The following MYO1D variants were observed in gnomAD, a reference collection of about 807,000 sequenced individuals.
MYO1D encodes unconventional myosin-Id.
In MYO1D, 83 loss-of-function variants were observed where a neutral mutation model predicts 122.0. That is an observed-to-expected ratio of 0.68 (90% CI 0.57 to 0.82). The LOEUF (loss-of-function observed/expected upper bound fraction) is 0.82, where lower values mean the gene tolerates loss of function less well. Ranked by LOEUF, MYO1D falls within the 40% of genes least tolerant of loss-of-function variation. The pLI, the probability that MYO1D is intolerant of heterozygous loss-of-function variation, is 0.00. For synonymous variants in MYO1D, 464 were observed against 446.9 expected (o/e 1.04, Z -0.48); for missense variants, 1,157 against 1,269.5 (o/e 0.91, Z 1.35).
intron 1 of MYO1D, among the ~76,000 whole-genome samples, chr17:32,811,706 G>C (rs961268485): frequency 7.0e-6 from 1 of 142,304 alleles, no homozygotes; most frequent in Admixed American, 7.4e-5. Flanking sequence ...TCCAGAAATG[G>C]AATGCTATCC....
intron 19 of MYO1D, among the ~76,000 whole-genome samples, chr17:32,652,662 C>T (rs1180797655): frequency 2.0e-5 from 3 of 151,916 alleles, no homozygotes; most frequent in Non-Finnish European, 4.4e-5. Flanking sequence ...CTTTGCCTTC[C>T]ACTTCCCAAC....
intron 1 of MYO1D, among the ~76,000 whole-genome samples, chr17:32,864,548 GAAAAA>G (rs200717040): frequency 1.4e-5 from 1 of 73,028 alleles, no homozygotes; most frequent in South Asian, 5.5e-4. Flanking sequence ...TTCTACGAAT[GAAAAA>G]AAAAAAAAAA....
At chr17:32,617,391 C>G (rs2087785274) in intron 20 of MYO1D, among the ~76,000 whole-genome samples, 1 of 152,124 alleles carries the variant, frequency 6.6e-6, no homozygotes, top group African/African-American at 2.4e-5. Flanking sequence ...TAAGTCTTCC[C>G]AGCTAAGGCC....
At chr17:32,838,127 T>A (rs912026164) in intron 1 of MYO1D, among the ~76,000 whole-genome samples, 4 of 152,186 alleles carry the variant, frequency 2.6e-5, no homozygotes, top group African/African-American at 9.6e-5. Flanking sequence ...ATCTAAGTAT[T>A]TCCCTATAAA....
chr17:32,520,060 T>A lies in MYO1D; in HGVS notation c.2865-25145A>T, dbSNP rs1910076387. On this transcript the variant is annotated intron_variant, in intron 21 of 21. Transcript: ENST00000318217. ...AGTTTGCTTTACGTGACACTTTTCC[T>A]GCTCAGATTCCTGCTCCAGAAAAAG... Among the ~76,000 whole-genome samples the A allele has an allele frequency of 2.0e-5, 3 of 152,310 alleles. No individual in the cohort carries two copies. The South Asian group carries it at 6.2e-4, about 32-fold the overall frequency.
intron 21 of MYO1D, among the ~76,000 whole-genome samples, chr17:32,500,376 A>G (rs57422897): frequency 0.048 from 7,273 of 152,286 alleles, 569 homozygotes; most frequent in African/African-American, 0.16. Flanking sequence ...CCTTCTAAAC[A>G]CAAAGTGGCC....
chr17:32,761,918 C>T (rs560658500), intron 8 of MYO1D, among the ~76,000 whole-genome samples: 1 of 152,150 alleles, frequency 6.6e-6, no homozygotes, highest in Non-Finnish European at 1.5e-5. Context: ...AGATACAGGT[C>T]TAGGCAAACA....
In MYO1D at chr17:32,867,912, T is replaced by TA. The variant is rs1216916145; in HGVS notation, c.95+8865dup. Among the ~76,000 whole-genome samples the TA allele has an allele frequency of 2.8e-3, 396 of 139,820 alleles. 2 individuals carry two copies. The highest frequency in any genetic ancestry group is 0.011 in the Middle Eastern group (3 of 274). The allele number at this position is 139,820 out of a possible 152,430, so 91.7% of individuals were successfully genotyped here. On this transcript the variant is annotated intron_variant, in intron 1 of 21. Transcript: ENST00000318217. ...ATAATGAGGAAATTGGTTATAGATT[T>TA]AAAAAAAAAACAAAAAAAAAACTCT...
chr17:32,763,511 AAT>A (rs1298351196), intron 8 of MYO1D, among the ~76,000 whole-genome samples: 1 of 152,360 alleles, frequency 6.6e-6, no homozygotes, highest in East Asian at 1.9e-4. Context: ...CAATTCTTAG[AAT>A]ATGTTAAAAT....
At chr17:32,786,519 T>G (rs534991106) in intron 1 of MYO1D, among the ~76,000 whole-genome samples, 2 of 152,216 alleles carry the variant, frequency 1.3e-5, no homozygotes, top group African/African-American at 4.8e-5. Context: ...CCATACCTAC[T>G]CAAAGATGAC....
chr17:32,569,004 G>A (rs1049243909), intron 21 of MYO1D, among the ~76,000 whole-genome samples: 1 of 152,226 alleles, frequency 6.6e-6, no homozygotes, highest in Non-Finnish European at 1.5e-5. Context: ...CCCCCAATAT[G>A]TAGAGGAGTG....
intron 3 of MYO1D, among the ~76,000 whole-genome samples, chr17:32,776,369 C>T (rs1210841144): frequency 3.3e-5 from 5 of 151,374 alleles, no homozygotes; most frequent in Admixed American, 1.3e-4. Context: ...TGTATGTTCA[C>T]GTGTGTGTGT....
At chr17:32,838,781 A>G (rs951734900) in intron 1 of MYO1D, among the ~76,000 whole-genome samples, 9 of 152,172 alleles carry the variant, frequency 5.9e-5, no homozygotes, top group Non-Finnish European at 1.2e-4. Flanking sequence ...ACAGTCAAGG[A>G]GCCCACTTAA....
intron 11 of MYO1D, among the ~76,000 whole-genome samples, chr17:32,750,246 CTTT>C (rs1166911164): frequency 6.6e-6 from 1 of 152,212 alleles, no homozygotes; most frequent in East Asian, 1.9e-4. Flanking sequence ...ATCTAGACTT[CTTT>C]GTCTGCCCTG....
At chr17:32,698,386 CTTCTT>C (rs1019856705) in intron 16 of MYO1D, among the ~76,000 whole-genome samples, 10 of 136,230 alleles carry the variant, frequency 7.3e-5, no homozygotes, top group Non-Finnish European at 1.1e-4. Flanking sequence ...TCCCTCCTTC[CTTCTT>C]TTCTTTTTTA....
intron 1 of MYO1D, among the ~76,000 whole-genome samples, chr17:32,794,773 C>T (rs549169702): frequency 1.2e-4 from 18 of 152,196 alleles, no homozygotes; most frequent in South Asian, 6.2e-4. Context: ...GGCCAGAGCG[C>T]GCAAGGCCTT....
At chr17:32,723,474 G>A (rs2089536199) in intron 14 of MYO1D, among the ~76,000 whole-genome samples, 2 of 152,102 alleles carry the variant, frequency 1.3e-5, no homozygotes, top group Admixed American at 6.5e-5. Context: ...GTCATCTGTA[G>A]CAGAAGGAAA....
intron 1 of MYO1D, among the ~76,000 whole-genome samples, chr17:32,827,781 T>C (rs544565412): frequency 2.6e-5 from 4 of 152,222 alleles, no homozygotes; most frequent in African/African-American, 4.8e-5. Flanking sequence ...ACACAAGGAA[T>C]TGTCTTTTAT....
Position 32,712,092 on chromosome 17 carries a change from C to T in MYO1D, c.2017G>A (p.Ala673Thr), listed in dbSNP as rs1395470641. The T allele has an allele frequency of 1.2e-6, 2 of 1,614,064 alleles. No homozygotes were observed. The highest frequency in any genetic ancestry group is 1.7e-6 in the Non-Finnish European group (2 of 1,179,988). ...ATGAAAATTTTGGTCTTCCCATAAG[C>T]TACATCATCCTGAAAACCACACCGT... Reference protein sequence around the residue: ...IERCGFQDDVAYGKTKIFIRT... With the variant: ...IERCGFQDDVTYGKTKIFIRT... Residue 673 changes from alanine to threonine, a missense_variant, in exon 16 of 22, where the codon GCT becomes ACT. Coordinates refer to ENST00000318217, the MANE Select transcript of MYO1D (RefSeq NM_015194.3).
Sources: allele counts gnomAD v4.1 joint callset (sites outside exome capture counted in the v4.1 genomes callset), GRCh38; gene constraint gnomAD v4.1.1; transcripts MANE v1.5; gene names NCBI Gene and HGNC (gene_info 2026-07-23, HGNC 2026-07-21).